The following DRD3 variants were observed in gnomAD, a reference collection of about 807,000 sequenced individuals.
DRD3 encodes the protein D(3) dopamine receptor.
In DRD3, 19 loss-of-function variants were observed where a neutral mutation model predicts 36.3. That is an observed-to-expected ratio of 0.52 (90% CI 0.36 to 0.77). DRD3 has a LOEUF of 0.77. Ranked by LOEUF, DRD3 falls within the 30% of genes least tolerant of loss-of-function variation. The pLI, the probability that DRD3 is intolerant of heterozygous loss-of-function variation, is 0.00. For synonymous variants in DRD3, 195 were observed against 203.7 expected (o/e 0.96, Z 0.36); for missense variants, 465 against 505.3 (o/e 0.92, Z 0.77).
At chr3:114,196,971 T>C (rs887114050) in intron 1 of DRD3, among the ~76,000 whole-genome samples, 1 of 150,498 alleles carries the variant, frequency 6.6e-6, no homozygotes. Context: ...TTTATTTTTA[T>C]TTTTTTCTTT....
At chr3:114,167,597 T>C (rs1233613378) in intron 2 of DRD3, among the ~76,000 whole-genome samples, 2 of 152,216 alleles carry the variant, frequency 1.3e-5, no homozygotes, top group Non-Finnish European at 2.9e-5. Context: ...GACTGGTCCC[T>C]GTGGGCCCCC....
rs1274827112 is a variant in DRD3 at position 114,128,606 on chromosome 3, C to T, written c.*110G>A. ...CTGACAAGCAGGGACATCCTGGCTC[C>T]AGGAATCTTCTTCCTACTGCATGCC... is the stretch of plus-strand genomic sequence containing the variant. On this transcript the variant is annotated 3_prime_UTR_variant, in exon 7 of 7. Transcript: ENST00000383673. 4.4e-6 allele frequency: 5 copies of T among 1,143,530 alleles called. No homozygotes were observed. Among genetic ancestry groups the T allele is most frequent in the Non-Finnish European group, 4.8e-6 (4 of 837,014 alleles). 70.8% of individuals were successfully genotyped at this position (1,143,530 alleles called of 1,614,324 possible).
At position 114,151,936 on chromosome 3, in the gene DRD3, C is replaced by T. The variant is rs540322447; in HGVS notation, c.384-4379G>A. 2.6e-5 allele frequency among the ~76,000 whole-genome samples: 4 copies of T among 152,354 alleles called. No homozygotes were observed. In the East Asian group the frequency reaches 7.7e-4, roughly 29 times the overall value. On this transcript the variant is annotated intron_variant, in intron 3 of 6. Coordinates refer to ENST00000383673, the MANE Select transcript of DRD3 (RefSeq NM_000796.6). ...GCGTGCGCCCACAACTGAGTTTCCT[C>T]AATTCGCTCGATTCTGTTAATTGCC...
intron 1 of DRD3, among the ~76,000 whole-genome samples, chr3:114,194,832 T>TA (rs141352887): frequency 0.056 from 8,482 of 152,158 alleles, 271 homozygotes; most frequent in Middle Eastern, 0.078. Flanking sequence ...AAAGATTTTT[T>TA]TTTTTTTTTG....
chr3:114,137,140 G>A (rs926678698), intron 5 of DRD3, among the ~76,000 whole-genome samples: 16 of 152,208 alleles, frequency 1.1e-4, no homozygotes, highest in African/African-American at 3.9e-4. Flanking sequence ...GGGAATCAGG[G>A]TAAGGTTTCA....
rs76126170 is a variant in DRD3 at position 114,127,682 on chromosome 3, C to T, written c.*1034G>A. 0.086 allele frequency among the ~76,000 whole-genome samples: 13,025 copies of T among 152,214 alleles called. 619 individuals carry two copies. The highest frequency in any genetic ancestry group is 0.17 in the Middle Eastern group (49 of 294). The stretch of plus-strand genomic sequence containing the variant: ...ACTGGCAGCATCATTTTGTTTATAC[C>T]AGCATCACCACAGACATGTAAATAA... On this transcript the variant is annotated 3_prime_UTR_variant, in exon 7 of 7. Coordinates refer to ENST00000383673, the MANE Select transcript of DRD3 (RefSeq NM_000796.6).
chr3:114,186,898 C>T (rs2077978422), intron 1 of DRD3, among the ~76,000 whole-genome samples: 1 of 152,118 alleles, frequency 6.6e-6, no homozygotes, highest in South Asian at 2.1e-4. Flanking sequence ...TTTAGTGCTC[C>T]CCCTGGAAAT....
chr3:114,139,555 A>G lies in DRD3; in HGVS notation c.668T>C (p.Ile223Thr), dbSNP rs144884962. 3 of 1,614,000 alleles carry G rather than the reference A, an allele frequency of 1.9e-6. No individual in the cohort carries two copies. Among genetic ancestry groups the G allele is most frequent in the Non-Finnish European group, 2.5e-6 (3 of 1,180,026 alleles). The change falls in exon 5 of 7, where the codon ATC (isoleucine) becomes ACC (threonine). Residue 223 changes from isoleucine to threonine, a missense_variant. Transcript: ENST00000383673. ...GCACTGACTGTTCTGTCGAGTGAGG[A>G]TCCTTTTCCGTCTCCTTTGTTTCAG... The part of the protein sequence containing the change: ...VVLKQRRRKR[I>T]LTRQNSQCNS...
intron 4 of DRD3, among the ~76,000 whole-genome samples, chr3:114,144,636 T>C (rs1408950720): frequency 2.0e-5 from 3 of 152,222 alleles, no homozygotes; most frequent in Admixed American, 6.5e-5. Flanking sequence ...CTCTTACGAC[T>C]GCAGATGTAT....
intron 4 of DRD3, among the ~76,000 whole-genome samples, chr3:114,142,047 C>CAAAAAAAAAAAAAAAAA (rs771946847): frequency 6.2e-5 from 4 of 64,720 alleles, no homozygotes; most frequent in East Asian, 4.8e-4. Context: ...GACTCTCTCT[C>CAAAAAAAAAAAAAAAAA]AAAAAAAAAA....
At chr3:114,174,858 C>A (rs772176017) in intron 1 of DRD3, among the ~76,000 whole-genome samples, 28 of 151,502 alleles carry the variant, frequency 1.8e-4, no homozygotes, top group Non-Finnish European at 3.7e-4. Flanking sequence ...AAACGGGTCT[C>A]AGGTAAGAAG....
chr3:114,146,840 GTCCA>G (rs973925039), intron 4 of DRD3, among the ~76,000 whole-genome samples: 4 of 152,086 alleles, frequency 2.6e-5, no homozygotes, highest in South Asian at 2.1e-4. Context: ...CATATATATT[GTCCA>G]TCCATCCATC....
intron 5 of DRD3, among the ~76,000 whole-genome samples, chr3:114,131,635 T>G (rs569054254): frequency 1.3e-5 from 2 of 152,256 alleles, no homozygotes; most frequent in East Asian, 3.9e-4. Flanking sequence ...ACAGGCAGCC[T>G]ACAGAATGGG....
intron 1 of DRD3, among the ~76,000 whole-genome samples, chr3:114,178,428 G>C (rs886771600): frequency 2.0e-5 from 3 of 151,970 alleles, no homozygotes; most frequent in Non-Finnish European, 4.4e-5. Context: ...AGCCCACAAG[G>C]ATACAATTTT....
At chr3:114,186,878 T>C (rs1054447416) in intron 1 of DRD3, among the ~76,000 whole-genome samples, 1 of 152,240 alleles carries the variant, frequency 6.6e-6, no homozygotes, top group Admixed American at 6.5e-5. Flanking sequence ...TCCCCTTTTT[T>C]CCATTGGCTT....
chr3:114,177,906 C>G lies in DRD3; in HGVS notation c.-36+751G>C, dbSNP rs1200205514. ...TTAGTATCAGTAAGCAAAGGCTTCA[C>G]CTATAAAGTGAAATAGTCATGCACA... On this transcript the variant is annotated intron_variant, in intron 1 of 6. Transcript: ENST00000383673. 3.9e-5 allele frequency among the ~76,000 whole-genome samples: 6 copies of G among 152,242 alleles called. No individual in the cohort carries two copies. The South Asian group carries it at 6.2e-4, about 16-fold the overall frequency.
chr3:114,190,441 T>A (rs1489802575), intron 1 of DRD3, among the ~76,000 whole-genome samples: 2 of 11,486 alleles, frequency 1.7e-4, no homozygotes, highest in African/African-American at 9.2e-4. Context: ...TATATATATA[T>A]ATATATATAT....
intron 1 of DRD3, among the ~76,000 whole-genome samples, chr3:114,189,471 A>G (rs1356473178): frequency 1.2e-4 from 18 of 152,326 alleles, no homozygotes; most frequent in Middle Eastern, 3.4e-3. Context: ...AAATTCTATG[A>G]TCATTTCCAG....
intron 1 of DRD3, among the ~76,000 whole-genome samples, chr3:114,190,958 T>C (rs1313718551): frequency 6.6e-6 from 1 of 152,116 alleles, no homozygotes; most frequent in Non-Finnish European, 1.5e-5. Flanking sequence ...TTGGGCCTTA[T>C]AGGGTATGGG....
Sources: allele counts gnomAD v4.1 joint callset (sites outside exome capture counted in the v4.1 genomes callset), GRCh38; gene constraint gnomAD v4.1.1; transcripts MANE v1.5; gene names NCBI Gene and HGNC (gene_info 2026-07-23, HGNC 2026-07-21).